ST3GAL3: variants seen among roughly 807,000 people sequenced by gnomAD.
ST3GAL3 encodes CMP-N-acetylneuraminate-beta-1,4-galactoside alpha-2,3-sialyltransferase.
ST3GAL3 carries 21 observed loss-of-function variants against 50.1 expected under a neutral mutation model. That is an observed-to-expected ratio of 0.42 (90% CI 0.30 to 0.60). The LOEUF (loss-of-function observed/expected upper bound fraction) is 0.60. Ranked by LOEUF, ST3GAL3 falls within the 20% of genes least tolerant of loss-of-function variation. The pLI, the probability that ST3GAL3 is intolerant of heterozygous loss-of-function variation, is 0.19. For synonymous variants in ST3GAL3, 183 were observed against 190.0 expected (o/e 0.96, Z 0.30); for missense variants, 353 against 489.4 (o/e 0.72, Z 2.63).
chr1:43,871,372 G>C (rs900206427), intron 5 of ST3GAL3, among the ~76,000 whole-genome samples: 3 of 152,134 alleles, frequency 2.0e-5, no homozygotes, highest in African/African-American at 7.2e-5. Flanking sequence ...ACTGAGACAT[G>C]AGCCCATGGG....
At chr1:43,800,719 G>A (rs886611290) in intron 3 of ST3GAL3, among the ~76,000 whole-genome samples, 1 of 152,116 alleles carries the variant, frequency 6.6e-6, no homozygotes, top group Non-Finnish European at 1.5e-5. Context: ...GGCTGTATAG[G>A]TGACAGTACT....
chr1:43,745,714 C>T lies in ST3GAL3; in HGVS notation c.118+9334C>T, dbSNP rs567736459. On this transcript the variant is annotated intron_variant, in intron 2 of 11. Transcript: ENST00000347631. ...CATGATCTTGGCTTACTGCAGCCTC[C>T]GCCCTCTGGGTTGAAGCAATTCTCA... Among the ~76,000 whole-genome samples the T allele has an allele frequency of 5.3e-5, 8 of 152,304 alleles. No homozygotes were observed. The South Asian group carries it at 6.2e-4, about 12-fold the overall frequency.
At chr1:43,876,457 A>C (rs1182005626) in intron 5 of ST3GAL3, among the ~76,000 whole-genome samples, 3 of 152,178 alleles carry the variant, frequency 2.0e-5, no homozygotes, top group Non-Finnish European at 4.4e-5. Context: ...AAGCATCGGG[A>C]TTGAGGCTCT....
At chr1:43,846,180 A>T (rs1357467520) in intron 5 of ST3GAL3, among the ~76,000 whole-genome samples, 1 of 152,194 alleles carries the variant, frequency 6.6e-6, no homozygotes. Flanking sequence ...CTGTATCCTT[A>T]CTGACTTTCT....
At chr1:43,708,998 C>T (rs1356368500) in intron 1 of ST3GAL3, among the ~76,000 whole-genome samples, 1 of 152,142 alleles carries the variant, frequency 6.6e-6, no homozygotes, top group Non-Finnish European at 1.5e-5. Context: ...GTGATATGGT[C>T]TCTAGAATTC....
intron 2 of ST3GAL3, among the ~76,000 whole-genome samples, chr1:43,778,239 G>A (rs908943170): frequency 6.6e-6 from 1 of 152,170 alleles, no homozygotes. Flanking sequence ...AGAACACATG[G>A]ACACATGGTG....
intron 9 of ST3GAL3, chr1:43,911,769 C>T (rs1451487904): frequency 6.6e-6 from 1 of 151,358 alleles, no homozygotes; most frequent in Non-Finnish European, 1.5e-5. Flanking sequence ...CTCACTGCAG[C>T]CTCTGCCTTC....
intron 1 of ST3GAL3, among the ~76,000 whole-genome samples, chr1:43,713,108 T>C (rs1053732500): frequency 4.6e-5 from 7 of 152,218 alleles, no homozygotes; most frequent in Non-Finnish European, 8.8e-5. Flanking sequence ...AAAATATTTA[T>C]GCAGGATGAA....
At chr1:43,768,714 CT>C (rs1478094983) in intron 2 of ST3GAL3, among the ~76,000 whole-genome samples, 3 of 152,158 alleles carry the variant, frequency 2.0e-5, no homozygotes, top group Admixed American at 1.3e-4. Context: ...CATGGAAAAC[CT>C]TAGAATCCTA....
At position 43,917,483 on chromosome 1, in the gene ST3GAL3, A is replaced by G. The variant is rs1202030331; in HGVS notation, c.745-2921A>G. On this transcript the variant is annotated intron_variant, in intron 9 of 11. Coordinates refer to ENST00000347631, the MANE Select transcript of ST3GAL3 (RefSeq NM_006279.5). The stretch of plus-strand genomic sequence containing the variant: ...ATATATATAATATATAATATATATA[A>G]TATATAATATATATAATATATTATA... Among the ~76,000 whole-genome samples, 4 of 89,618 alleles carry G rather than the reference A, an allele frequency of 4.5e-5. No individual in the cohort carries two copies. The South Asian group carries it at 1.0e-3, about 23-fold the overall frequency. 58.8% of individuals were successfully genotyped at this position (89,618 alleles called of 152,430 possible). A position where few individuals can be genotyped will look rare whatever the true frequency, so the allele number is the denominator to read the frequency against.
At chr1:43,740,774 C>T (rs897944680) in intron 2 of ST3GAL3, among the ~76,000 whole-genome samples, 6 of 151,746 alleles carry the variant, frequency 4.0e-5, no homozygotes, top group Non-Finnish European at 8.8e-5. Context: ...TATGATTGTG[C>T]CACTGTACTC....
At chr1:43,715,705 C>T (rs1481367980) in intron 1 of ST3GAL3, among the ~76,000 whole-genome samples, 1 of 152,128 alleles carries the variant, frequency 6.6e-6, no homozygotes, top group Middle Eastern at 3.2e-3. Flanking sequence ...GCAGGATTGC[C>T]TGAGCCTAGG....
chr1:43,736,873 A>AT, intron 2 of ST3GAL3: 5 of 239,488 alleles, frequency 2.1e-5, no homozygotes, highest in South Asian at 1.0e-4. Flanking sequence ...GCTGCTATTG[A>AT]ACTTGCACCT....
chr1:43,820,231 G>T (rs900822370), intron 4 of ST3GAL3, among the ~76,000 whole-genome samples: 1 of 152,080 alleles, frequency 6.6e-6, no homozygotes, highest in Admixed American at 6.5e-5. Context: ...TCAATAAATG[G>T]TGTTGGGATA....
At chr1:43,861,889 G>C (rs1374045191) in intron 5 of ST3GAL3, among the ~76,000 whole-genome samples, 11 of 152,186 alleles carry the variant, frequency 7.2e-5, no homozygotes, top group Admixed American at 7.2e-4. Context: ...TTAGCCGGGC[G>C]TGTTGGCACA....
intron 1 of ST3GAL3, among the ~76,000 whole-genome samples, chr1:43,723,282 T>C (rs948966961): frequency 6.6e-5 from 10 of 152,144 alleles, no homozygotes; most frequent in African/African-American, 2.4e-4. Context: ...CTAAGTTTTG[T>C]ATTTTTAGTA....
At chr1:43,780,056 C>T (rs1468267551) in intron 2 of ST3GAL3, among the ~76,000 whole-genome samples, 1 of 152,010 alleles carries the variant, frequency 6.6e-6, no homozygotes, top group Non-Finnish European at 1.5e-5. Flanking sequence ...ATTTCCTGGG[C>T]CCCATATTTT....
chr1:43,811,832 G>A (rs1012363252), intron 3 of ST3GAL3, among the ~76,000 whole-genome samples: 1 of 151,990 alleles, frequency 6.6e-6, no homozygotes, highest in African/African-American at 2.4e-5. Flanking sequence ...TCATAACACA[G>A]CTCCCCACAA....
intron 4 of ST3GAL3, among the ~76,000 whole-genome samples, chr1:43,815,450 T>TA (rs1344346275): frequency 6.6e-6 from 1 of 152,160 alleles, no homozygotes; most frequent in Non-Finnish European, 1.5e-5. Flanking sequence ...CTTGGAAAAC[T>TA]AAAAAAACTA....
Sources: gnomAD v4.1 joint callset for allele counts (sites outside exome capture counted in the v4.1 genomes callset) on GRCh38, gnomAD v4.1.1 for gene constraint, MANE v1.5 for transcripts, NCBI Gene and HGNC (gene_info 2026-07-23, HGNC 2026-07-21) for gene names.